Variants in AKT3 observed in about 807,000 individuals in gnomAD.
AKT3 encodes RAC-gamma serine/threonine-protein kinase.
A neutral mutation model predicts 65.3 loss-of-function variants in AKT3; 15 were observed. The ratio of observed to expected loss-of-function variants is 0.23; its 90% CI spans 0.15 to 0.35. The LOEUF is 0.35. AKT3 is among the 10% of genes least tolerant of loss of function. The pLI is 1.00. For missense variants in AKT3, 243 were observed against 576.5 expected, an observed-to-expected ratio of 0.42 and a Z score of 5.92; for synonymous variants, 206 against 183.8, an observed-to-expected ratio of 1.12 and a Z score of -0.98.
chr1:243,812,679 C>G (rs1196545277), intron 2 of AKT3, among the ~76,000 whole-genome samples: 5 of 152,076 alleles, frequency 3.3e-5, no homozygotes, highest in Non-Finnish European at 1.5e-5. Context: ...GGTACATACC[C>G]AAAGGATTAT....
intron 2 of AKT3, among the ~76,000 whole-genome samples, chr1:243,737,682 C>T (rs1558766435): frequency 6.6e-6 from 1 of 152,136 alleles, no homozygotes. Context: ...TAGCTTTCCT[C>T]TTGAGCCAAA....
intron 8 of AKT3, among the ~76,000 whole-genome samples, chr1:243,575,595 G>C (rs1474789033): frequency 1.3e-5 from 2 of 152,122 alleles, no homozygotes; most frequent in Non-Finnish European, 2.9e-5. Context: ...TAAAAAAAGA[G>C]GGTTGTGATA....
At chr1:243,649,378 G>A (rs12723537) in intron 4 of AKT3, among the ~76,000 whole-genome samples, 78,125 of 149,442 alleles carry the variant, frequency 0.52, 23,449 homozygotes, top group Non-Finnish European at 0.67. Flanking sequence ...GTGTGTGTGT[G>A]TATATATATA....
intron 2 of AKT3, among the ~76,000 whole-genome samples, chr1:243,701,705 TAACA>T (rs1197723873): frequency 2.1e-5 from 3 of 142,646 alleles, no homozygotes; most frequent in African/African-American, 5.1e-5. Context: ...AAGAGTTGCA[TAACA>T]AACAAAAATT....
chr1:243,736,160 A>T (rs1457802931), intron 2 of AKT3, among the ~76,000 whole-genome samples: 1 of 152,194 alleles, frequency 6.6e-6, no homozygotes, highest in African/African-American at 2.4e-5. Context: ...TTATCAGTGT[A>T]ACCTGGATAA....
chr1:243,602,759 T>C (rs1298553673), intron 8 of AKT3, among the ~76,000 whole-genome samples: 1 of 152,150 alleles, frequency 6.6e-6, no homozygotes, highest in East Asian at 1.9e-4. Context: ...ACAAAAATAG[T>C]AGTACATAAC....
At chr1:243,617,436 G>A (rs947945671) in intron 6 of AKT3, among the ~76,000 whole-genome samples, 11 of 151,890 alleles carry the variant, frequency 7.2e-5, no homozygotes, top group African/African-American at 2.7e-4. Context: ...CTGCTGATGT[G>A]CACTCACTAA....
rs946176981 is a variant in AKT3 at position 243,634,034 on chromosome 1, T to C, written c.561+3577A>G. On this transcript the variant is annotated intron_variant, in intron 6 of 13. Coordinates refer to ENST00000673466, the MANE Select transcript of AKT3 (RefSeq NM_005465.7). ...GTACCAAACTCTATAAAGTCATTCC[T>C]TGATATCCATGGGGGATTGGTTTCA... 2.6e-5 allele frequency among the ~76,000 whole-genome samples: 4 copies of C among 152,100 alleles called. No homozygotes were observed. In the South Asian group the frequency reaches 6.2e-4, roughly 24 times the overall value.
intron 8 of AKT3, among the ~76,000 whole-genome samples, chr1:243,583,195 T>TACACAC (rs59711065): frequency 0.056 from 4,959 of 87,900 alleles, 196 homozygotes; most frequent in South Asian, 0.11. Context: ...TATATATATA[T>TACACAC]ACACACACAC....
intron 11 of AKT3, 77 bp from the exon 12 acceptor site, chr1:243,545,674 A>AG: frequency 9.2e-7 from 1 of 1,085,762 alleles, no homozygotes; most frequent in South Asian, 1.4e-5. Flanking sequence ...ATATTTTGTG[A>AG]AAGTGTAATT....
At chr1:243,540,488 A>G (rs1031268860) in intron 12 of AKT3, among the ~76,000 whole-genome samples, 1 of 152,206 alleles carries the variant, frequency 6.6e-6, no homozygotes, top group Non-Finnish European at 1.5e-5. Context: ...TCATGTTTTT[A>G]TAACATATTC....
At chr1:243,730,668 G>A (rs1057428777) in intron 2 of AKT3, among the ~76,000 whole-genome samples, 4 of 152,220 alleles carry the variant, frequency 2.6e-5, no homozygotes, top group Admixed American at 2.0e-4. Context: ...GTGAGGTGGT[G>A]GGACTGAACA....
At chr1:243,798,402 T>TTG (rs1239827588) in intron 2 of AKT3, among the ~76,000 whole-genome samples, 3 of 131,224 alleles carry the variant, frequency 2.3e-5, no homozygotes, top group South Asian at 2.6e-4. Flanking sequence ...AATTTTTTTT[T>TTG]TTTTTTTTTT....
chr1:243,660,494 T>C (rs1455472658), intron 4 of AKT3, among the ~76,000 whole-genome samples: 2 of 152,170 alleles, frequency 1.3e-5, no homozygotes, highest in East Asian at 3.8e-4. Flanking sequence ...GAAAAGGCCT[T>C]TGACAAAATT....
At chr1:243,606,521 G>A (rs1677434181) in intron 8 of AKT3, among the ~76,000 whole-genome samples, 1 of 152,180 alleles carries the variant, frequency 6.6e-6, no homozygotes, top group Non-Finnish European at 1.5e-5. Flanking sequence ...GAGATGATTT[G>A]GGGGTATCTG....
Position 243,501,093 on chromosome 1 carries a change from G to GACAT in AKT3, c.*4152_*4155dup, listed in dbSNP as rs776940854. ...AGAATGCCCTCAAATTTGGCCGTGT[G>GACAT]ACATACACATACATGCTTGACTCAC... On this transcript the variant is annotated 3_prime_UTR_variant, in exon 14 of 14. Transcript: ENST00000673466. 8 of 231,186 alleles carry GACAT rather than the reference G, an allele frequency of 3.5e-5. No individual in the cohort carries two copies. The highest frequency in any genetic ancestry group is 1.8e-4 in the South Asian group (1 of 5,524). 14.3% of individuals were successfully genotyped at this position (231,186 alleles called of 1,614,324 possible). A position where few individuals can be genotyped will look rare whatever the true frequency, so the allele number is the denominator to read the frequency against.
chr1:243,513,085 G>A (rs1670124991), intron 12 of AKT3, among the ~76,000 whole-genome samples: 1 of 152,210 alleles, frequency 6.6e-6, no homozygotes, highest in Non-Finnish European at 1.5e-5. Flanking sequence ...TGACAGGGCA[G>A]GAATCATCTC....
intron 6 of AKT3, 49 bp downstream of exon 6, chr1:243,637,562 T>C (rs771953656): frequency 1.3e-6 from 2 of 1,517,954 alleles, no homozygotes; most frequent in Admixed American, 3.9e-5. Context: ...CACAAACACA[T>C]GCACACTGCA....
chr1:243,588,459 T>C (rs760450602), intron 8 of AKT3, among the ~76,000 whole-genome samples: 14 of 152,164 alleles, frequency 9.2e-5, no homozygotes, highest in Non-Finnish European at 1.9e-4. Context: ...ATATCAATCA[T>C]ATTTGTAAAT....
Sources: allele counts gnomAD v4.1 joint callset (sites outside exome capture counted in the v4.1 genomes callset), GRCh38; gene constraint gnomAD v4.1.1; transcripts MANE v1.5; gene names NCBI Gene and HGNC (gene_info 2026-07-23, HGNC 2026-07-21).